The following LONP2 variants were observed in gnomAD, a reference collection of about 807,000 sequenced individuals.
LONP2 encodes the protein lon protease homolog 2, peroxisomal.
Under a neutral mutation model 85.6 loss-of-function variants are expected in LONP2, and 60 were observed. That is an observed-to-expected ratio of 0.70 (90% confidence interval 0.57 to 0.87). The LOEUF is 0.87. LONP2 is among the 40% of genes least tolerant of loss of function. The probability of loss-of-function intolerance (pLI) is 0.00; values close to 1 mark genes in which losing one functional copy is unlikely to be tolerated. For missense variants in LONP2, 860 were observed against 1,063.5 expected, an observed-to-expected ratio of 0.81 and a Z score of 2.66; for synonymous variants, 395 against 389.7, an observed-to-expected ratio of 1.01 and a Z score of -0.16.
intron 4 of LONP2, among the ~76,000 whole-genome samples, chr16:48,260,021 T>C (rs1971841723): frequency 6.6e-6 from 1 of 152,152 alleles, no homozygotes; most frequent in African/African-American, 2.4e-5. Flanking sequence ...CCCCTAAGAG[T>C]TGAAAAGCAC....
intron 8 of LONP2, among the ~76,000 whole-genome samples, chr16:48,288,150 CTTTTTTTTTTTT>C (rs1170612024): frequency 3.3e-5 from 4 of 121,538 alleles, no homozygotes; most frequent in South Asian, 5.3e-4. Flanking sequence ...TAGTCTTCTT[CTTTTTTTTTTTT>C]TTTTTTTTTG....
intron 8 of LONP2, among the ~76,000 whole-genome samples, chr16:48,292,645 C>A (rs1972579480): frequency 6.6e-6 from 1 of 152,236 alleles, no homozygotes; most frequent in Non-Finnish European, 1.5e-5. Context: ...ACACACTATT[C>A]TTAACACCAA....
At chr16:48,250,363 T>A (rs1971608178) in intron 1 of LONP2, among the ~76,000 whole-genome samples, 1 of 151,988 alleles carries the variant, frequency 6.6e-6, no homozygotes, top group African/African-American at 2.4e-5. Flanking sequence ...GTGCCTGTAG[T>A]CCCAGCTACT....
chr16:48,352,386 C>T lies in LONP2; in HGVS notation c.*584C>T, dbSNP rs1371309198. On this transcript the variant is annotated 3_prime_UTR_variant, in exon 15 of 15. Transcript: ENST00000285737. ...GTGGGCCGGGCGTGATGGCTCACAC[C>T]TGTAATTCCAGCACTTTGGGAGGTC... 1 of 152,562 alleles carries T rather than the reference C, an allele frequency of 6.6e-6. No homozygotes were observed. Among genetic ancestry groups the T allele is most frequent in the Non-Finnish European group, 1.5e-5 (1 of 68,360 alleles). 9.5% of individuals were successfully genotyped at this position (152,562 alleles called of 1,614,324 possible).
At chr16:48,263,866 A>G (rs888394209) in intron 6 of LONP2, among the ~76,000 whole-genome samples, 1 of 152,208 alleles carries the variant, frequency 6.6e-6, no homozygotes, top group Non-Finnish European at 1.5e-5. Flanking sequence ...GGCTGGCTTG[A>G]GAAATAAAGA....
chr16:48,355,900 T>G lies in LONP2; in HGVS notation c.*4098T>G, dbSNP rs1012486432. ...GTGTATTTTACCGGTATTCCACGTT[T>G]TATGCATGGGTTTTTAAAACTTCTC... On this transcript the variant is annotated 3_prime_UTR_variant, in exon 15 of 15. Coordinates refer to ENST00000285737, the MANE Select transcript of LONP2 (RefSeq NM_031490.5). The G allele has an allele frequency of 6.6e-6, 1 of 152,228 alleles. No individual in the cohort carries two copies. The highest frequency in any genetic ancestry group is 6.5e-5 in the Admixed American group (1 of 15,282). The allele number at this position is 152,228 out of a possible 1,614,324, so 9.4% of individuals were successfully genotyped here.
At chr16:48,314,879 A>G (rs2151010666) in intron 11 of LONP2, among the ~76,000 whole-genome samples, 1 of 152,292 alleles carries the variant, frequency 6.6e-6, no homozygotes, top group African/African-American at 2.4e-5. Flanking sequence ...TCACTTATTA[A>G]TCATAATTGT....
At chr16:48,347,798 CA>C in intron 13 of LONP2, 84 bp downstream of exon 13, 1 of 1,266,290 alleles carries the variant, frequency 7.9e-7, no homozygotes. Flanking sequence ...TCGAGACTGC[CA>C]GTTACACATC....
At chr16:48,327,148 C>T (rs1244833504) in intron 11 of LONP2, among the ~76,000 whole-genome samples, 1 of 152,236 alleles carries the variant, frequency 6.6e-6, no homozygotes, top group African/African-American at 2.4e-5. Context: ...ATCTCTGCTG[C>T]TTTAATGCTG....
chr16:48,341,599 A>G (rs900892893), intron 12 of LONP2, among the ~76,000 whole-genome samples: 17 of 152,192 alleles, frequency 1.1e-4, no homozygotes, highest in African/African-American at 3.9e-4. Flanking sequence ...ACTGAGGATT[A>G]TAGTTCAACA....
At position 48,356,620 on chromosome 16, in the gene LONP2, G is replaced by A; in HGVS notation, c.*4818G>A. 3.2e-6 allele frequency: 1 copy of A among 315,778 alleles called. No individual in the cohort carries two copies. The highest frequency in any genetic ancestry group is 6.4e-6 in the Non-Finnish European group (1 of 156,162). The allele number at this position is 315,778 out of a possible 1,614,324, so 19.6% of individuals were successfully genotyped here. ...TTGTTTGTTTTACAAACATTTGGTGGATACCACAATGAAAACTGCACTTAA... is the reference window on the plus strand; with the variant it reads ...TTGTTTGTTTTACAAACATTTGGTGAATACCACAATGAAAACTGCACTTAA... On this transcript the variant is annotated 3_prime_UTR_variant, in exon 15 of 15. Transcript: ENST00000285737.
intron 12 of LONP2, among the ~76,000 whole-genome samples, chr16:48,339,206 C>T (rs1241902289): frequency 1.3e-5 from 2 of 152,144 alleles, no homozygotes; most frequent in East Asian, 3.9e-4. Flanking sequence ...TGGGAAGGAA[C>T]AAGCCTTCAG....
chr16:48,314,152 TG>T (rs980311527), intron 11 of LONP2, among the ~76,000 whole-genome samples: 2 of 152,092 alleles, frequency 1.3e-5, no homozygotes, highest in African/African-American at 4.8e-5. Context: ...TTAATGGGGT[TG>T]TTTTTTTTTT....
In LONP2 at chr16:48,355,371, T is replaced by C. The variant is rs926690811; in HGVS notation, c.*3569T>C. The C allele has an allele frequency of 6.6e-6, 1 of 152,182 alleles. No individual in the cohort carries two copies. Among genetic ancestry groups the C allele is most frequent in the Non-Finnish European group, 1.5e-5 (1 of 68,040 alleles). The allele number at this position is 152,182 out of a possible 1,614,324, so 9.4% of individuals were successfully genotyped here. A position where few individuals can be genotyped will look rare whatever the true frequency, so the allele number is the denominator to read the frequency against. ...TGCCCTTCGATTCCCTTCCACCATATGAGGACACAGCAACAGGCCCCGTCC... is the reference window on the plus strand; with the variant it reads ...TGCCCTTCGATTCCCTTCCACCATACGAGGACACAGCAACAGGCCCCGTCC... On this transcript the variant is annotated 3_prime_UTR_variant, in exon 15 of 15. Transcript: ENST00000285737.
rs1195767127 is a variant in LONP2, at chr16:48,354,081, G to C, written c.*2279G>C. ...TTTTCACCTGGGTTTTTTTTTTTTG[G>C]GGGGGGTGGGGGGTTAGGGGTGGGG... On this transcript the variant is annotated 3_prime_UTR_variant, in exon 15 of 15. Transcript: ENST00000285737. 7.5e-6 allele frequency: 1 copy of C among 133,916 alleles called. No homozygotes were observed. The highest frequency in any genetic ancestry group is 1.6e-5 in the Non-Finnish European group (1 of 62,490). 8.3% of individuals were successfully genotyped at this position (133,916 alleles called of 1,614,324 possible). A position where few individuals can be genotyped will look rare whatever the true frequency, so the allele number is the denominator to read the frequency against.
At chr16:48,330,293 A>C (rs2151021894) in intron 11 of LONP2, among the ~76,000 whole-genome samples, 1 of 152,382 alleles carries the variant, frequency 6.6e-6, no homozygotes, top group Non-Finnish European at 1.5e-5. Flanking sequence ...GCACAATTCC[A>C]GTGGGAAGGA....
intron 11 of LONP2, among the ~76,000 whole-genome samples, chr16:48,313,013 G>A (rs1330165969): frequency 3.3e-5 from 5 of 152,164 alleles, no homozygotes; most frequent in African/African-American, 1.2e-4. Flanking sequence ...AATTTCCAGA[G>A]GCTGCCTCAT....
Position 48,347,534 on chromosome 16 carries a change from G to A in LONP2, c.1966G>A (p.Val656Ile). 1.2e-6 allele frequency: 2 copies of A among 1,614,250 alleles called. No individual in the cohort carries two copies. The highest frequency in any genetic ancestry group is 2.2e-5 in the South Asian group (2 of 91,088). ...ATCTCAGCGTTTGAGTCAGCCAGGA[G>A]TAGCAATAGGTTTGGCTTGGACTCC... is the stretch of plus-strand genomic sequence containing the variant. Reference protein sequence around the residue: ...EVSQRLSQPGVAIGLAWTPLG... With the variant: ...EVSQRLSQPGIAIGLAWTPLG... The change falls in exon 13 of 15, where the codon GTA (valine) becomes ATA (isoleucine). Residue 656 changes from valine (V) to isoleucine (I), a missense_variant. Physicochemically the swap from Val to Ile is conservative, Grantham distance 29. Around this residue, in one of 3 missense-constraint regions of LONP2, gnomAD observed 743 missense variants for 917.3 expected, o/e 0.81. Coordinates refer to ENST00000285737, the MANE Select transcript of LONP2 (RefSeq NM_031490.5).
At chr16:48,282,122 T>C (rs572222384) in intron 8 of LONP2, among the ~76,000 whole-genome samples, 129 of 152,276 alleles carry the variant, frequency 8.5e-4, no homozygotes, top group Non-Finnish European at 1.6e-3. Context: ...TAAATGTTTA[T>C]GGCAGGCCAG....
Sources: gnomAD v4.1 joint callset for allele counts (sites outside exome capture counted in the v4.1 genomes callset) on GRCh38, gnomAD v4.1.1 for gene constraint, gnomAD v4.1.1 regional missense constraint, MANE v1.5 for transcripts, NCBI Gene and HGNC (gene_info 2026-07-23, HGNC 2026-07-21) for gene names.